The following RAPGEF4 variants were observed in gnomAD, a reference collection of about 807,000 sequenced individuals.
RAPGEF4 encodes Rap guanine nucleotide exchange factor 4.
RAPGEF4 carries 66 observed loss-of-function variants against 147.9 expected under a neutral mutation model. The ratio of observed to expected loss-of-function variants is 0.45; its 90% CI spans 0.37 to 0.55. The LOEUF is 0.55. Ranked by LOEUF, RAPGEF4 falls within the 20% of genes least tolerant of loss-of-function variation. The pLI, the probability that RAPGEF4 is intolerant of heterozygous loss-of-function variation, is 0.00. For synonymous variants in RAPGEF4, 419 were observed against 442.7 expected (o/e 0.95, Z 0.67); for missense variants, 1,071 against 1,257.3 (o/e 0.85, Z 2.24).
chr2:172,835,503 T>C (rs1244411468), intron 4 of RAPGEF4, among the ~76,000 whole-genome samples: 2 of 152,212 alleles, frequency 1.3e-5, no homozygotes, highest in Non-Finnish European at 2.9e-5. Context: ...GGCAGTGTGA[T>C]ACTGGACCAG....
intron 1 of RAPGEF4, among the ~76,000 whole-genome samples, chr2:172,791,454 T>C (rs1370929939): frequency 3.9e-5 from 6 of 152,130 alleles, no homozygotes; most frequent in Non-Finnish European, 7.3e-5. Flanking sequence ...AGAATATACA[T>C]TGCATTATGA....
At chr2:172,742,709 T>C (rs1476311516) in intron 1 of RAPGEF4, among the ~76,000 whole-genome samples, 1 of 152,196 alleles carries the variant, frequency 6.6e-6, no homozygotes, top group Non-Finnish European at 1.5e-5. Flanking sequence ...CAACCTCATA[T>C]GTAATTAGGG....
chr2:172,740,449 A>C (rs1186975052), intron 1 of RAPGEF4, among the ~76,000 whole-genome samples: 1 of 152,216 alleles, frequency 6.6e-6, no homozygotes, highest in African/African-American at 2.4e-5. Flanking sequence ...TTCGTGTTTC[A>C]GTTTAAAAAT....
In RAPGEF4 at chr2:173,026,595, C is replaced by T. The variant is rs1218414363; in HGVS notation, c.2277C>T (p.Gly759=). 6.2e-7 allele frequency: 1 copy of T among 1,613,346 alleles called. No homozygotes were observed. Among genetic ancestry groups the T allele is most frequent in the Non-Finnish European group, 8.5e-7 (1 of 1,179,516 alleles). The stretch of plus-strand genomic sequence containing the variant: ...AGACTCCCTTACCAGAACAGGAAGG[C>T]CCAACTGTTGGAACAGTGGGAACTT... ...DSLTPLPEQE[G]PTVGTVGTFE... is the part of the protein sequence containing the mutation. The change falls in exon 24 of 31, where the codon GGC becomes GGT. Residue 759 remains glycine, a synonymous_variant. Transcript: ENST00000397081.
intron 6 of RAPGEF4, among the ~76,000 whole-genome samples, chr2:172,924,766 TTAAC>T (rs1213823499): frequency 6.6e-6 from 1 of 152,216 alleles, no homozygotes; most frequent in Non-Finnish European, 1.5e-5. Context: ...TTCAGCTTCT[TTAAC>T]TACATGCTGG....
At chr2:172,920,907 G>C (rs753163667) in intron 5 of RAPGEF4, among the ~76,000 whole-genome samples, 25 of 152,052 alleles carry the variant, frequency 1.6e-4, no homozygotes, top group Admixed American at 6.6e-5. Flanking sequence ...GGAAGTGATA[G>C]CGAGCCTGTT....
At chr2:172,942,179 T>A (rs1427825421) in intron 6 of RAPGEF4, among the ~76,000 whole-genome samples, 1 of 150,382 alleles carries the variant, frequency 6.6e-6, no homozygotes, top group East Asian at 2.0e-4. Context: ...ATACAATAGG[T>A]TGGTGCAAAA....
At chr2:172,775,744 A>G (rs1234437634) in intron 1 of RAPGEF4, among the ~76,000 whole-genome samples, 3 of 152,212 alleles carry the variant, frequency 2.0e-5, no homozygotes, top group Admixed American at 1.3e-4. Context: ...ATAAAAAATT[A>G]TAGATATTTT....
chr2:172,820,435 G>GT (rs1688954758), intron 4 of RAPGEF4, among the ~76,000 whole-genome samples: 1 of 152,144 alleles, frequency 6.6e-6, no homozygotes, highest in Non-Finnish European at 1.5e-5. Flanking sequence ...TAAAAGCAAT[G>GT]TTTTCAATTT....
intron 10 of RAPGEF4, among the ~76,000 whole-genome samples, chr2:172,968,808 A>AAG (rs1368669054): frequency 6.6e-6 from 1 of 152,182 alleles, no homozygotes; most frequent in Non-Finnish European, 1.5e-5. Context: ...GAGGGGGCAC[A>AAG]AGAGAATCCC....
intron 17 of RAPGEF4, among the ~76,000 whole-genome samples, chr2:173,012,449 G>C (rs1245043424): frequency 1.3e-5 from 2 of 152,168 alleles, no homozygotes; most frequent in Non-Finnish European, 2.9e-5. Context: ...AAATGAAAAA[G>C]ATAGCACCTG....
At chr2:172,881,008 G>C (rs188673793) in intron 4 of RAPGEF4, among the ~76,000 whole-genome samples, 116 of 152,166 alleles carry the variant, frequency 7.6e-4, no homozygotes, top group African/African-American at 2.7e-3. Context: ...TTTAAAAATG[G>C]CTTCTATTTC....
chr2:172,803,613 G>A (rs988233401), intron 3 of RAPGEF4, among the ~76,000 whole-genome samples: 1 of 152,216 alleles, frequency 6.6e-6, no homozygotes, highest in African/African-American at 2.4e-5. Context: ...GTCTTGGGGA[G>A]TACATTTGGC....
intron 30 of RAPGEF4, among the ~76,000 whole-genome samples, chr2:173,050,726 G>A (rs541566776): frequency 1.1e-4 from 11 of 99,848 alleles, no homozygotes; most frequent in South Asian, 3.2e-4. Context: ...GAGAATTCAC[G>A]AAGAAGAAAT....
rs57396116 is a variant in RAPGEF4 at position 172,769,129 on chromosome 2, G to A, written c.66-25896G>A. 1.1e-3 allele frequency among the ~76,000 whole-genome samples: 170 copies of A among 152,286 alleles called. 2 individuals carry two copies. In the East Asian group the frequency reaches 0.03, roughly 27 times the overall value. On this transcript the variant is annotated intron_variant, in intron 1 of 30. Transcript: ENST00000397081. ...TCAGGGAAGTTGTCTTGGGGTATAC[G>A]TCTTAAGGAGGTTCTAAATCATTGT... is the stretch of plus-strand genomic sequence containing the variant.
chr2:172,780,931 A>G (rs1684625273), intron 1 of RAPGEF4, among the ~76,000 whole-genome samples: 1 of 152,154 alleles, frequency 6.6e-6, no homozygotes, highest in Non-Finnish European at 1.5e-5. Context: ...GTGTATCTTT[A>G]CACATTAAAA....
chr2:172,866,612 G>A (rs1432288459), intron 4 of RAPGEF4, among the ~76,000 whole-genome samples: 1 of 152,008 alleles, frequency 6.6e-6, no homozygotes, highest in Non-Finnish European at 1.5e-5. Context: ...CACTTTGGGA[G>A]GCAGGATACA....
At chr2:173,020,919 G>C (rs1559191191) in intron 23 of RAPGEF4, among the ~76,000 whole-genome samples, 1 of 152,180 alleles carries the variant, frequency 6.6e-6, no homozygotes, top group African/African-American at 2.4e-5. Flanking sequence ...AATTAGCCAA[G>C]TAGCACCACT....
In RAPGEF4 at chr2:172,975,381, A is replaced by C. The variant is rs1020757654; in HGVS notation, c.1004+7937A>C. Among the ~76,000 whole-genome samples, 12 of 152,154 alleles carry C rather than the reference A, an allele frequency of 7.9e-5. 1 individual carries two copies. Among genetic ancestry groups the C allele is most frequent in the Non-Finnish European group, 1.5e-4 (10 of 68,024 alleles). ...TCCGTCCCCTCTTTGAACCACTAAAAAGCTCTGTGAATTAAGTATGGCTCA... is the reference window on the plus strand; with the variant it reads ...TCCGTCCCCTCTTTGAACCACTAAACAGCTCTGTGAATTAAGTATGGCTCA... On this transcript the variant is annotated intron_variant, in intron 10 of 30. Transcript: ENST00000397081.
Sources: allele counts gnomAD v4.1 joint callset (sites outside exome capture counted in the v4.1 genomes callset), GRCh38; gene constraint gnomAD v4.1.1; transcripts MANE v1.5; gene names NCBI Gene and HGNC (gene_info 2026-07-23, HGNC 2026-07-21).